The following TPRG1 variants were observed in gnomAD, a reference collection of about 807,000 sequenced individuals.
TPRG1 encodes tumor protein p63 regulated 1, also known as tumor protein p63-regulated gene 1 protein.
A neutral mutation model predicts 29.3 loss-of-function variants in TPRG1; 29 were observed. The observed-to-expected ratio is 0.99, with a 90% confidence interval of 0.74 to 1.35. The LOEUF (loss-of-function observed/expected upper bound fraction) is 1.35. Ranked by LOEUF, TPRG1 falls within the 40% of genes most tolerant of loss-of-function variation. The pLI is 0.00. For synonymous variants in TPRG1, 130 were observed against 116.8 expected (o/e 1.11, Z -0.73); for missense variants, 327 against 335.0 (o/e 0.98, Z 0.19).
intron 4 of TPRG1, among the ~76,000 whole-genome samples, chr3:189,297,048 T>G (rs527631929): frequency 2.6e-5 from 4 of 152,254 alleles, no homozygotes; most frequent in African/African-American, 9.6e-5. Context: ...TGGTGTCATC[T>G]CAGCTCACTG....
intron 1 of TPRG1, among the ~76,000 whole-genome samples, chr3:189,110,234 A>G (rs1327629163): frequency 3.3e-5 from 5 of 152,214 alleles, no homozygotes; most frequent in Non-Finnish European, 2.9e-5. Context: ...TCAACAATGT[A>G]TGAGGAGTTC....
intron 1 of TPRG1, among the ~76,000 whole-genome samples, chr3:189,183,909 T>G (rs1038321501): frequency 3.3e-5 from 5 of 151,078 alleles, no homozygotes; most frequent in Admixed American, 6.6e-5. Context: ...GATTAAGAGA[T>G]TAAAGTAAAG....
chr3:189,287,400 C>CTTTT (rs79217716), intron 4 of TPRG1, among the ~76,000 whole-genome samples: 3 of 140,708 alleles, frequency 2.1e-5, no homozygotes, highest in Non-Finnish European at 4.7e-5. Flanking sequence ...TTCTTTCTTT[C>CTTTT]TTTTTTTTTT....
intron 4 of TPRG1, among the ~76,000 whole-genome samples, chr3:189,298,438 G>A (rs972218383): frequency 6.6e-6 from 1 of 152,182 alleles, no homozygotes; most frequent in Non-Finnish European, 1.5e-5. Flanking sequence ...TTTTTCAGAG[G>A]AGGAAACATA....
In TPRG1 at chr3:189,110,701, T is replaced by C. The variant is rs566979282; in HGVS notation, c.-744+10497T>C. Among the ~76,000 whole-genome samples the C allele has an allele frequency of 1.2e-3, 185 of 152,182 alleles. 2 individuals are homozygous for C. Among genetic ancestry groups the C allele is most frequent in the African/African-American group, 4.3e-3 (178 of 41,570 alleles). On this transcript the variant is annotated intron_variant, in intron 1 of 6. Transcript: ENST00000412373. ...TTTTTACACAAAAGTTTGATAATTCTAGGTTTGTGATCCAATTTCAGTTAA... is the reference window on the plus strand; with the variant it reads ...TTTTTACACAAAAGTTTGATAATTCCAGGTTTGTGATCCAATTTCAGTTAA...
At chr3:189,198,437 G>A (rs1732919679) in intron 1 of TPRG1, among the ~76,000 whole-genome samples, 1 of 152,190 alleles carries the variant, frequency 6.6e-6, no homozygotes, top group Non-Finnish European at 1.5e-5. Context: ...ATTAAAGACT[G>A]TGGTATGAGT....
chr3:189,009,308 G>T (rs1712471455), intron 3 of TPRG1, among the ~76,000 whole-genome samples: 1 of 152,058 alleles, frequency 6.6e-6, no homozygotes, highest in Admixed American at 6.6e-5. Context: ...TAACTCATTA[G>T]CTCCCATTAA....
chr3:189,042,077 G>A (rs1714666655), intron 4 of TPRG1, among the ~76,000 whole-genome samples: 1 of 151,954 alleles, frequency 6.6e-6, no homozygotes, highest in African/African-American at 2.4e-5. Context: ...ACATGTTGAT[G>A]GGAATTGACC....
intron 3 of TPRG1, among the ~76,000 whole-genome samples, chr3:189,220,143 T>A (rs1736729675): frequency 6.6e-6 from 1 of 152,208 alleles, no homozygotes; most frequent in South Asian, 2.1e-4. Flanking sequence ...TGTCCTTTTT[T>A]GTGTTAAGGT....
intron 2 of TPRG1, among the ~76,000 whole-genome samples, chr3:189,128,293 T>C (rs1722719840): frequency 6.6e-6 from 1 of 152,024 alleles, no homozygotes; most frequent in African/African-American, 2.4e-5. Context: ...GAGCTGTCAG[T>C]ATTGTGCAAA....
chr3:189,035,541 A>G (rs191872099), intron 4 of TPRG1, among the ~76,000 whole-genome samples: 24 of 152,298 alleles, frequency 1.6e-4, no homozygotes, highest in Non-Finnish European at 2.8e-4. Context: ...TGCATCTGAC[A>G]TATGTGTACT....
chr3:189,055,048 ACTAT>A (rs1715574678), intron 4 of TPRG1, among the ~76,000 whole-genome samples: 1 of 152,200 alleles, frequency 6.6e-6, no homozygotes, highest in Admixed American at 6.5e-5. Flanking sequence ...CTCTAACTAA[ACTAT>A]CTGTTTGAAT....
chr3:189,210,135 G>C (rs916301052), intron 2 of TPRG1, among the ~76,000 whole-genome samples: 9 of 152,016 alleles, frequency 5.9e-5, no homozygotes, highest in African/African-American at 2.2e-4. Context: ...GTGTGTGTTG[G>C]GGGGAGGGTA....
In TPRG1 at chr3:189,138,751, G is replaced by A. The variant is rs1433488849; in HGVS notation, c.-291+6054G>A. ...GGGAGAACACATTGTTAAGCAGATC[G>A]GTGTCTATCACAGCTTTGTGTCTGG... On this transcript the variant is annotated intron_variant, in intron 3 of 6. Transcript: ENST00000412373. Among the ~76,000 whole-genome samples the A allele has an allele frequency of 3.3e-5, 5 of 152,160 alleles. No individual in the cohort carries two copies. In the South Asian group the frequency reaches 8.3e-4, roughly 25 times the overall value.
intron 4 of TPRG1, among the ~76,000 whole-genome samples, chr3:189,274,402 C>A (rs1052492090): frequency 2.6e-5 from 4 of 151,956 alleles, no homozygotes; most frequent in African/African-American, 9.7e-5. Flanking sequence ...GCCGTTTGTT[C>A]AGCCTGTTTG....
intron 5 of TPRG1, among the ~76,000 whole-genome samples, chr3:189,163,929 C>G (rs148266303): frequency 2.7e-5 from 4 of 150,494 alleles, no homozygotes; most frequent in African/African-American, 9.9e-5. Context: ...ATACCTTTAG[C>G]TAATAGTCTT....
At chr3:189,204,141 G>A (rs182160317) in intron 1 of TPRG1, among the ~76,000 whole-genome samples, 132 of 150,728 alleles carry the variant, frequency 8.8e-4, no homozygotes, top group African/African-American at 3.1e-3. Context: ...TCTAAATGAA[G>A]ATATAAATTT....
chr3:189,126,308 C>T (rs1324787602), intron 1 of TPRG1, among the ~76,000 whole-genome samples: 5 of 152,210 alleles, frequency 3.3e-5, no homozygotes, highest in African/African-American at 1.2e-4. Context: ...AAAAATACCA[C>T]TCTGCTTTCA....
intron 3 of TPRG1, among the ~76,000 whole-genome samples, chr3:189,010,139 G>A (rs1010968405): frequency 6.6e-6 from 1 of 151,978 alleles, no homozygotes; most frequent in African/African-American, 2.4e-5. Context: ...CCTTTTTATG[G>A]CTGCATAGAA....
Sources: gnomAD v4.1 joint callset for allele counts (sites outside exome capture counted in the v4.1 genomes callset) on GRCh38, gnomAD v4.1.1 for gene constraint, MANE v1.5 for transcripts, NCBI Gene and HGNC (gene_info 2026-07-23, HGNC 2026-07-21) for gene names.